RIMKLB: variants seen among roughly 807,000 people sequenced by gnomAD.
RIMKLB encodes ribosomal modification protein rimK like family member B.
A neutral mutation model predicts 32.0 loss-of-function variants in RIMKLB; 7 were observed. The ratio of observed to expected loss-of-function variants is 0.22; its 90% confidence interval spans 0.12 to 0.41. The LOEUF is 0.41. RIMKLB is among the 10% of genes least tolerant of loss of function. RIMKLB has a pLI of 1.00. For synonymous variants in RIMKLB, 172 were observed against 185.1 expected, an observed-to-expected ratio of 0.93 and a Z score of 0.57; for missense variants, 289 against 498.7, an observed-to-expected ratio of 0.58 and a Z score of 4.00.
At chr12:8,732,779 A>T (rs1202366159) in intron 2 of RIMKLB, among the ~76,000 whole-genome samples, 4 of 151,562 alleles carry the variant, frequency 2.6e-5, no homozygotes, top group African/African-American at 7.3e-5. Flanking sequence ...ACACACACAC[A>T]CACTCTCTTT....
chr12:8,759,165 G>A (rs1217370054), intron 5 of RIMKLB, among the ~76,000 whole-genome samples: 1 of 152,162 alleles, frequency 6.6e-6, no homozygotes. Context: ...GGGAGGCTGA[G>A]GTGGGAGGAT....
At chr12:8,727,115 CTTTT>C (rs966245453) in intron 2 of RIMKLB, among the ~76,000 whole-genome samples, 1 of 152,140 alleles carries the variant, frequency 6.6e-6, no homozygotes, top group African/African-American at 2.4e-5. Context: ...TTATTCATTT[CTTTT>C]AAGTGTTATA....
intron 2 of RIMKLB, among the ~76,000 whole-genome samples, chr12:8,722,471 A>G (rs2137113131): frequency 6.6e-6 from 1 of 152,262 alleles, no homozygotes; most frequent in South Asian, 2.1e-4. Context: ...TTGCTGTTCC[A>G]CTTAGCACAG....
chr12:8,679,277 G>A (rs767872026), upstream of RIMKLB: 7 of 152,314 alleles, frequency 4.6e-5, 1 homozygote, highest in East Asian at 1.4e-3. Context: ...TCCCCCTCTC[G>A]GTTCAAGTGA....
chr12:8,718,657 A>ATGTGTGTGTGTGTG (rs1394689486), intron 2 of RIMKLB, among the ~76,000 whole-genome samples: 44 of 133,612 alleles, frequency 3.3e-4, no homozygotes, highest in African/African-American at 1.3e-3. Context: ...CTCTCTCTAT[A>ATGTGTGTGTGTGTG]TATATATATA....
chr12:8,695,956 G>C (rs1942876460), upstream of RIMKLB, among the ~76,000 whole-genome samples: 1 of 152,128 alleles, frequency 6.6e-6, no homozygotes, highest in Non-Finnish European at 1.5e-5. Flanking sequence ...GCCTCCCAAA[G>C]TGCTGGGATT....
chr12:8,749,147 C>T (rs1025782737), intron 2 of RIMKLB, among the ~76,000 whole-genome samples: 1 of 152,086 alleles, frequency 6.6e-6, no homozygotes, highest in African/African-American at 2.4e-5. Flanking sequence ...AAACTTTTCT[C>T]TTCAACCTTT....
At chr12:8,768,333 A>G (rs891709929) in intron 5 of RIMKLB, among the ~76,000 whole-genome samples, 2 of 152,166 alleles carry the variant, frequency 1.3e-5, no homozygotes, top group African/African-American at 4.8e-5. Flanking sequence ...ACAGTGGCAA[A>G]CAGCAGTGAT....
Position 8,698,102 on chromosome 12 carries a change from G to A in RIMKLB, c.-252G>A, listed in dbSNP as rs1464851927. On this transcript the variant is annotated 5_prime_UTR_variant, in exon 1 of 6. Coordinates refer to ENST00000535829, the MANE Select transcript of RIMKLB (RefSeq NM_001297776.2). ...ACGGGACGCGAGGCTGTGAGAAACT[G>A]GGCGAGTGTGCGAGGACGCCCGGCC... 2.6e-5 allele frequency: 7 copies of A among 272,710 alleles called. 1 individual carries two copies. The highest frequency in any genetic ancestry group is 1.3e-4 in the South Asian group (5 of 39,336). The allele number at this position is 272,710 out of a possible 1,614,324, so 16.9% of individuals were successfully genotyped here.
intron 4 of RIMKLB, 78 bp from the exon 5 acceptor site, chr12:8,753,812 A>C: frequency 8.9e-7 from 1 of 1,127,256 alleles, no homozygotes; most frequent in Non-Finnish European, 1.3e-6. Flanking sequence ...AGATTGTGAT[A>C]CAAGAAGATT....
chr12:8,674,874 T>C, the RIMKLB span, among the ~76,000 whole-genome samples: 1 of 150,566 alleles, frequency 6.6e-6, no homozygotes, highest in African/African-American at 2.4e-5. Flanking sequence ...TTTTTTTTTT[T>C]TTTTTTTGAG....
At chr12:8,781,350 TAAAAATC>T (rs1254569023), downstream of RIMKLB, among the ~76,000 whole-genome samples, 2 of 152,026 alleles carry the variant, frequency 1.3e-5, no homozygotes, top group African/African-American at 4.8e-5. Flanking sequence ...CTCAAATAAA[TAAAAATC>T]AAAACTAAAA....
intron 2 of RIMKLB, among the ~76,000 whole-genome samples, chr12:8,730,859 C>T (rs753049500): frequency 1.3e-5 from 2 of 151,814 alleles, no homozygotes; most frequent in Non-Finnish European, 2.9e-5. Flanking sequence ...CCTGTCTCAG[C>T]CTTGTAAGTA....
Position 8,773,697 on chromosome 12 carries a change from G to A in RIMKLB, c.1074G>A (p.Thr358=), listed in dbSNP as rs201727444. 5.9e-5 allele frequency: 95 copies of A among 1,614,118 alleles called. 1 individual carries two copies. The highest frequency in any genetic ancestry group is 2.2e-4 in the South Asian group (20 of 91,092). Reference sequence around the variant, plus strand: ...CTGTTGACAGCGACCCTGAAAGCACGGAGCGAGAGCTGCTCACCAAGCTCC... The same window carrying A: ...CTGTTGACAGCGACCCTGAAAGCACAGAGCGAGAGCTGCTCACCAAGCTCC... ...SSSVDSDPES[T]ERELLTKLPG... The change falls in exon 6 of 6, where the codon ACG becomes ACA. Residue 358 remains threonine (T), a synonymous_variant. Coordinates refer to ENST00000535829, the MANE Select transcript of RIMKLB (RefSeq NM_001297776.2).
At chr12:8,743,594 A>C (rs1453272849) in intron 2 of RIMKLB, among the ~76,000 whole-genome samples, 1 of 151,752 alleles carries the variant, frequency 6.6e-6, no homozygotes, top group African/African-American at 2.4e-5. Context: ...AGTTTATGGT[A>C]GGTCATATGA....
At chr12:8,696,818 T>A (rs1591611935), upstream of RIMKLB, among the ~76,000 whole-genome samples, 2 of 152,332 alleles carry the variant, frequency 1.3e-5, no homozygotes, top group Admixed American at 1.3e-4. Context: ...TGAAAAGTTG[T>A]TGGCTGAGGT....
At position 8,730,425 on chromosome 12, in the gene RIMKLB, A is replaced by G. The variant is rs764972275; in HGVS notation, c.175+16384A>G. On this transcript the variant is annotated intron_variant, in intron 2 of 5. Transcript: ENST00000535829. ...TTTAGATGTCTTAATTTCCCAAATCATCTCACTCCAGCTTGGTCACAGGGC... is the reference window on the plus strand; with the variant it reads ...TTTAGATGTCTTAATTTCCCAAATCGTCTCACTCCAGCTTGGTCACAGGGC... Among the ~76,000 whole-genome samples the G allele has an allele frequency of 4.6e-5, 7 of 152,214 alleles. No homozygotes were observed. The South Asian group carries it at 1.4e-3, about 32-fold the overall frequency.
intron 5 of RIMKLB, among the ~76,000 whole-genome samples, chr12:8,769,864 T>G (rs1035854825): frequency 3.3e-5 from 5 of 152,216 alleles, no homozygotes; most frequent in Admixed American, 3.3e-4. Context: ...CCAATGGGAA[T>G]ATTAGAACAA....
chr12:8,756,691 T>C (rs1949061990), intron 5 of RIMKLB, among the ~76,000 whole-genome samples: 1 of 138,764 alleles, frequency 7.2e-6, no homozygotes, highest in African/African-American at 2.7e-5. Flanking sequence ...CTACTTTTTT[T>C]TTTTTTTTTT....
Sources: allele counts gnomAD v4.1 joint callset (sites outside exome capture counted in the v4.1 genomes callset), GRCh38; gene constraint gnomAD v4.1.1; transcripts MANE v1.5; gene names NCBI Gene and HGNC (gene_info 2026-07-23, HGNC 2026-07-21).